Variants in SRGAP1 observed in about 807,000 individuals in gnomAD.
SRGAP1 encodes the protein SLIT-ROBO Rho GTPase activating protein 1, also known as SLIT-ROBO Rho GTPase-activating protein 1.
A neutral mutation model predicts 121.9 loss-of-function variants in SRGAP1; 43 were observed. The ratio of observed to expected loss-of-function variants is 0.35; its 90% CI spans 0.28 to 0.46. The LOEUF (loss-of-function observed/expected upper bound fraction) is 0.46. Ranked by LOEUF, SRGAP1 falls within the 20% of genes least tolerant of loss-of-function variation. The pLI, the probability that SRGAP1 is intolerant of heterozygous loss-of-function variation, is 1.00. For missense variants in SRGAP1, 1,102 were observed against 1,350.9 expected (o/e 0.82, Z 2.89); for synonymous variants, 447 against 485.4 (o/e 0.92, Z 1.04).
chr12:64,010,095 A>C (rs1209849607), intron 3 of SRGAP1, among the ~76,000 whole-genome samples: 1 of 152,156 alleles, frequency 6.6e-6, no homozygotes, highest in East Asian at 1.9e-4. Flanking sequence ...CCCTTTAACC[A>C]GAATTTACAT....
chr12:63,874,970 C>CA (rs1184555032), intron 1 of SRGAP1, among the ~76,000 whole-genome samples: 1 of 152,146 alleles, frequency 6.6e-6, no homozygotes, highest in Non-Finnish European at 1.5e-5. Context: ...GGCTAGAGTG[C>CA]AGTTGCATGA....
chr12:64,056,434 T>C (rs1044760081), intron 6 of SRGAP1, among the ~76,000 whole-genome samples: 2 of 150,678 alleles, frequency 1.3e-5, no homozygotes, highest in African/African-American at 2.4e-5. Context: ...GTGCCTGTAA[T>C]CCCAACTAGT....
intron 1 of SRGAP1, among the ~76,000 whole-genome samples, chr12:63,892,862 G>T (rs571971554): frequency 6.6e-6 from 1 of 151,712 alleles, no homozygotes; most frequent in Non-Finnish European, 1.5e-5. Context: ...AGACTGTAGC[G>T]CATTTAATTA....
chr12:64,063,936 T>C (rs2035493692), intron 7 of SRGAP1, among the ~76,000 whole-genome samples: 1 of 151,522 alleles, frequency 6.6e-6, no homozygotes, highest in Non-Finnish European at 1.5e-5. Context: ...TACATGTTTT[T>C]ATATATATTT....
chr12:63,846,435 C>T (rs754213510), intron 1 of SRGAP1, among the ~76,000 whole-genome samples: 3 of 152,088 alleles, frequency 2.0e-5, no homozygotes, highest in African/African-American at 7.2e-5. Flanking sequence ...GTTTTTCTGC[C>T]GCCTAGAGCA....
chr12:63,946,562 C>T (rs1463636954), intron 1 of SRGAP1, among the ~76,000 whole-genome samples: 1 of 143,514 alleles, frequency 7.0e-6, no homozygotes, highest in Non-Finnish European at 1.5e-5. Context: ...TTTTTTGAGA[C>T]AGAGTCTCAC....
chr12:63,999,430 G>A (rs375838902), intron 3 of SRGAP1, among the ~76,000 whole-genome samples: 1 of 152,164 alleles, frequency 6.6e-6, no homozygotes, highest in African/African-American at 2.4e-5. Context: ...GCAGCTCTTG[G>A]AACTAATCCA....
chr12:64,021,367 C>T (rs986912602), intron 4 of SRGAP1, among the ~76,000 whole-genome samples: 1 of 152,212 alleles, frequency 6.6e-6, no homozygotes, highest in African/African-American at 2.4e-5. Context: ...CCATGCCTGC[C>T]AGAGTAGCTA....
rs1364377640 is a variant in SRGAP1, at chr12:64,160,470, G to C, written c.*17798G>C. 6.6e-6 allele frequency: 1 copy of C among 152,174 alleles called. No individual in the cohort carries two copies. The highest frequency in any genetic ancestry group is 1.9e-4 in the East Asian group (1 of 5,198). 9.4% of individuals were successfully genotyped at this position (152,174 alleles called of 1,614,324 possible). A position where few individuals can be genotyped will look rare whatever the true frequency, so the allele number is the denominator to read the frequency against. On this transcript the variant is annotated 3_prime_UTR_variant, in exon 22 of 22. Coordinates refer to ENST00000355086, the MANE Select transcript of SRGAP1 (RefSeq NM_020762.4). ...CTCCTAGTAATTCCCAGTGTAAGTG[G>C]AAATGACCCAGCCCTAGATTTACTT...
intron 1 of SRGAP1, among the ~76,000 whole-genome samples, chr12:63,867,933 G>C (rs1899693771): frequency 6.7e-6 from 1 of 149,364 alleles, no homozygotes; most frequent in Admixed American, 6.7e-5. Context: ...AAAAAGTATT[G>C]TGTTGTTAGA....
chr12:64,074,255 C>A (rs369618985), intron 8 of SRGAP1, among the ~76,000 whole-genome samples: 9 of 152,182 alleles, frequency 5.9e-5, no homozygotes, highest in Non-Finnish European at 4.4e-5. Flanking sequence ...GACTAACTTT[C>A]GTGCTTTCTG....
intron 1 of SRGAP1, among the ~76,000 whole-genome samples, chr12:63,975,334 C>T (rs1354040544): frequency 1.3e-5 from 2 of 152,124 alleles, no homozygotes; most frequent in African/African-American, 2.4e-5. Context: ...CTCAAGGACC[C>T]GTTCCTATAG....
Position 64,151,716 on chromosome 12 carries a change from TG to T in SRGAP1, c.*9045del, listed in dbSNP as rs1407908244. ...GCAAATTCTTAGCAGTTTGTTAATG[TG>T]CACACCCACATTTCCAGAGTACAAA... On this transcript the variant is annotated 3_prime_UTR_variant, in exon 22 of 22. Transcript: ENST00000355086. 3 of 152,222 alleles carry T rather than the reference TG, an allele frequency of 2.0e-5. No individual in the cohort carries two copies. The highest frequency in any genetic ancestry group is 7.2e-5 in the African/African-American group (3 of 41,460). 9.4% of individuals were successfully genotyped at this position (152,222 alleles called of 1,614,324 possible). A position where few individuals can be genotyped will look rare whatever the true frequency, so the allele number is the denominator to read the frequency against.
At position 63,990,011 on chromosome 12, in the gene SRGAP1, T is replaced by A; in HGVS notation, c.365T>A (p.Leu122Gln). 1 of 1,613,928 alleles carries A rather than the reference T, an allele frequency of 6.2e-7. No homozygotes were observed. Among genetic ancestry groups the A allele is most frequent in the African/African-American group, 1.3e-5 (1 of 75,044 alleles). The change falls in exon 3 of 22, where the codon CTG becomes CAG. Residue 122 changes from leucine to glutamine, a missense_variant. By Grantham distance (113) the Leu-to-Gln change is moderately radical (BLOSUM62 -2). This residue lies in a region of SRGAP1 where 747 missense variants were observed against 929.4 expected (regional missense o/e 0.80). Transcript: ENST00000355086. Reference protein sequence around the residue: ...KDHATLSDIYLNNVIMRFMQI... With the variant: ...KDHATLSDIYQNNVIMRFMQI... ...CATGCAACCTTGAGTGACATCTATC[T>A]GAACAATGTGATTATGCGGTTCATG...
chr12:64,079,864 A>G (rs565847452), intron 9 of SRGAP1, among the ~76,000 whole-genome samples: 1 of 152,290 alleles, frequency 6.6e-6, no homozygotes, highest in Admixed American at 6.5e-5. Flanking sequence ...CCACACTTCA[A>G]GTAACAAGTT....
At chr12:63,987,376 G>T (rs547333849) in intron 2 of SRGAP1, among the ~76,000 whole-genome samples, 2 of 152,262 alleles carry the variant, frequency 1.3e-5, no homozygotes, top group Admixed American at 6.5e-5. Context: ...CACTAGCTTT[G>T]GTCTTTATCA....
intron 4 of SRGAP1, among the ~76,000 whole-genome samples, chr12:64,033,336 C>T (rs937697198): frequency 1.3e-5 from 2 of 152,222 alleles, no homozygotes; most frequent in East Asian, 1.9e-4. Context: ...GGAGTCACAA[C>T]GTATCTCAAA....
At chr12:63,894,716 A>G (rs1005340384) in intron 1 of SRGAP1, among the ~76,000 whole-genome samples, 7 of 151,946 alleles carry the variant, frequency 4.6e-5, no homozygotes, top group Non-Finnish European at 8.8e-5. Context: ...GTGAGAACAT[A>G]CGGTGTTTGG....
intron 19 of SRGAP1, among the ~76,000 whole-genome samples, chr12:64,126,769 A>G (rs1289633440): frequency 6.6e-6 from 1 of 152,208 alleles, no homozygotes; most frequent in Non-Finnish European, 1.5e-5. Flanking sequence ...TAAAATGTGT[A>G]TCTCGGAAGC....
Sources: allele counts gnomAD v4.1 joint callset (sites outside exome capture counted in the v4.1 genomes callset), GRCh38; gene constraint gnomAD v4.1.1; regional missense constraint gnomAD v4.1.1; transcripts MANE v1.5; gene names NCBI Gene and HGNC (gene_info 2026-07-23, HGNC 2026-07-21).